Variants in BRD1 observed in about 807,000 individuals in gnomAD.
BRD1 encodes bromodomain-containing protein 1.
BRD1 carries 24 observed loss-of-function variants against 107.7 expected under a neutral mutation model. The ratio of observed to expected loss-of-function variants is 0.22; its 90% CI spans 0.16 to 0.31. The LOEUF is 0.31. BRD1 is among the 10% of genes least tolerant of loss of function. BRD1 has a pLI of 1.00. For synonymous variants in BRD1, 744 were observed against 686.1 expected (o/e 1.08, Z -1.32); for missense variants, 1,279 against 1,638.6 (o/e 0.78, Z 3.79).
Position 49,824,739 on chromosome 22 carries a change from C to T in BRD1, c.-14-408G>A. ...AGGAAGTCCACATACAGGGCTGGAC[C>T]CCACCAGGCACAGAGGCTATGCCCA... is the stretch of plus-strand genomic sequence containing the variant. On this transcript the variant is annotated intron_variant, in intron 1 of 12. Transcript: ENST00000404760. The surrounding 1 kb of genome is among the most constrained non-coding windows in gnomAD (Gnocchi z 5.9). The T allele has an allele frequency of 9.5e-7, 1 of 1,049,464 alleles. No individual in the cohort carries two copies. The highest frequency in any genetic ancestry group is 1.2e-6 in the Non-Finnish European group (1 of 867,994). 65.0% of individuals were successfully genotyped at this position (1,049,464 alleles called of 1,614,324 possible). A position where few individuals can be genotyped will look rare whatever the true frequency, so the allele number is the denominator to read the frequency against.
chr22:49,774,068 G>A lies in BRD1; in HGVS notation c.*165C>T, dbSNP rs1364724401. On this transcript the variant is annotated 3_prime_UTR_variant, in exon 13 of 13. Transcript: ENST00000404760. Reference sequence around the variant, plus strand: ...CCCACCCCACTCACAGCGCCCAGACGGAGATGGGTTCCTAGAAAACTTGGA... The same window carrying A: ...CCCACCCCACTCACAGCGCCCAGACAGAGATGGGTTCCTAGAAAACTTGGA... 18 of 966,124 alleles carry A rather than the reference G, an allele frequency of 1.9e-5. No individual in the cohort carries two copies. The highest frequency in any genetic ancestry group is 8.0e-5 in the South Asian group (4 of 50,246). The allele number at this position is 966,124 out of a possible 1,614,324, so 59.8% of individuals were successfully genotyped here.
At chr22:49,804,027 C>G (rs374957161) in intron 3 of BRD1, among the ~76,000 whole-genome samples, 177 bp downstream of exon 3, 2 of 152,258 alleles carry the variant, frequency 1.3e-5, no homozygotes, top group Non-Finnish European at 2.9e-5. Context: ...AGTCGCAGAT[C>G]CAGAGCCCAG....
At chr22:49,826,565 G>A (rs932121664) in intron 1 of BRD1, among the ~76,000 whole-genome samples, 37 of 152,296 alleles carry the variant, frequency 2.4e-4, no homozygotes, top group African/African-American at 7.9e-4. Flanking sequence ...CCCACAAGAC[G>A]GCCGCTTCCA....
chr22:49,795,592 G>A (rs959679494), intron 6 of BRD1, among the ~76,000 whole-genome samples: 2 of 152,244 alleles, frequency 1.3e-5, no homozygotes, highest in African/African-American at 4.8e-5. Flanking sequence ...GGCCCTAGGG[G>A]CAAAGGAGGC....
rs144234346 is a variant in BRD1 at position 49,826,907 on chromosome 22, A to C, written c.-15+590T>G. 9.6e-3 allele frequency among the ~76,000 whole-genome samples: 1,458 copies of C among 152,066 alleles called. 26 individuals are homozygous for C. The highest frequency in any genetic ancestry group is 0.034 in the African/African-American group (1,413 of 41,498). ...CCGTGAACTGCGCCTCAATCGTGTCACTCGTTTTAAAAGGCCCGGGGAAGC... is the reference window on the plus strand; with the variant it reads ...CCGTGAACTGCGCCTCAATCGTGTCCCTCGTTTTAAAAGGCCCGGGGAAGC... On this transcript the variant is annotated intron_variant, in intron 1 of 12. Transcript: ENST00000404760.
intron 2 of BRD1, chr22:49,806,384 G>A (rs925491502): frequency 5.9e-5 from 9 of 152,172 alleles, no homozygotes; most frequent in South Asian, 4.1e-4. Context: ...AGAGGTGTGC[G>A]TCTGTGACCC....
chr22:49,799,177 T>G (rs921210570), intron 3 of BRD1, 58 bp from the exon 4 acceptor site: 1 of 1,576,170 alleles, frequency 6.3e-7, no homozygotes, highest in African/African-American at 1.3e-5. Flanking sequence ...GCAAAAGGCC[T>G]CAGATACCAT....
At chr22:49,825,933 T>C (rs995842126) in intron 1 of BRD1, 7 of 152,240 alleles carry the variant, frequency 4.6e-5, no homozygotes, top group African/African-American at 1.7e-4. Flanking sequence ...GGAGAGAAAA[T>C]GTGGTCGGCC....
At chr22:49,779,257 C>G (rs575760282) in intron 8 of BRD1, among the ~76,000 whole-genome samples, 101 of 152,272 alleles carry the variant, frequency 6.6e-4, no homozygotes, top group Non-Finnish European at 1.1e-3. Flanking sequence ...CCACCCGCTT[C>G]GTACGCTTCC....
rs1354298502 is a variant in BRD1, at chr22:49,795,349, G to A, written c.2099-1055C>T. Among the ~76,000 whole-genome samples the A allele has an allele frequency of 2.6e-5, 4 of 152,202 alleles. No homozygotes were observed. The East Asian group carries it at 5.8e-4, about 22-fold the overall frequency. On this transcript the variant is annotated intron_variant, in intron 6 of 12. Coordinates refer to ENST00000404760, the MANE Select transcript of BRD1 (RefSeq NM_001304808.3). ...GAAGAGCAGCAGGTGCACCCTCAAGGCACACCATGGCCACTGGCTCACCTG... is the reference window on the plus strand; with the variant it reads ...GAAGAGCAGCAGGTGCACCCTCAAGACACACCATGGCCACTGGCTCACCTG...
At chr22:49,804,399 A>C (rs201540167) in intron 2 of BRD1, 39 bp from the exon 3 acceptor site, 198 of 1,552,560 alleles carry the variant, frequency 1.3e-4, no homozygotes, top group Non-Finnish European at 1.6e-4. Context: ...GAAGCAGTAC[A>C]TTAAGATGTT....
intron 2 of BRD1, among the ~76,000 whole-genome samples, chr22:49,822,246 T>C (rs1296137080): frequency 2.0e-5 from 3 of 151,830 alleles, no homozygotes; most frequent in Admixed American, 2.0e-4. Flanking sequence ...GGCAACATGG[T>C]GAAACCCCGC....
chr22:49,797,139 C>T (rs552472784), intron 6 of BRD1, among the ~76,000 whole-genome samples: 33 of 152,344 alleles, frequency 2.2e-4, no homozygotes, highest in Admixed American at 2.1e-3. Flanking sequence ...CAGGGGACAG[C>T]CCCGGTTTCC....
At chr22:49,798,913 C>T (rs2147150937) in intron 4 of BRD1, 75 bp downstream of exon 4, 2 of 1,524,424 alleles carry the variant, frequency 1.3e-6, no homozygotes, top group East Asian at 4.6e-5. Flanking sequence ...AGCCCACCCT[C>T]TGCAGGAGCT....
chr22:49,811,136 A>T (rs1351849394), intron 2 of BRD1, among the ~76,000 whole-genome samples: 1 of 151,810 alleles, frequency 6.6e-6, no homozygotes, highest in African/African-American at 2.4e-5. Flanking sequence ...TGAAAGAACA[A>T]AAAAAACACA....
intron 5 of BRD1, among the ~76,000 whole-genome samples, chr22:49,798,322 G>A (rs771066222): frequency 7.1e-4 from 108 of 152,338 alleles, no homozygotes; most frequent in African/African-American, 2.5e-3. Flanking sequence ...AGGGTGCCGG[G>A]CGGATGCTGC....
chr22:49,827,347 G>A (rs1356903898), intron 1 of BRD1, 150 bp downstream of exon 1: 2 of 151,568 alleles, frequency 1.3e-5, no homozygotes, highest in African/African-American at 5.1e-5. Flanking sequence ...CTCCCGGCCC[G>A]CAGACAATGC....
At chr22:49,797,329 C>T (rs909022944) in intron 6 of BRD1, among the ~76,000 whole-genome samples, 4 of 152,204 alleles carry the variant, frequency 2.6e-5, no homozygotes, top group Admixed American at 2.0e-4. Context: ...AGAGATCCTC[C>T]GGCTTCACGC....
At position 49,776,218 on chromosome 22, in the gene BRD1, C is replaced by A. The variant is rs888512992; in HGVS notation, c.3122-59G>T. ...CAGCAGGACACGGGGCACGCCCCGCCCCCCCACAAAAGGTGCAGCAACAGG... is the reference window on the plus strand; with the variant it reads ...CAGCAGGACACGGGGCACGCCCCGCACCCCCACAAAAGGTGCAGCAACAGG... On this transcript the variant is annotated intron_variant, in intron 10 of 12. Transcript: ENST00000404760. The A allele has an allele frequency of 2.4e-5, 35 of 1,471,074 alleles. No homozygotes were observed. In the Admixed American group the frequency reaches 6.1e-4, roughly 26 times the overall value. 91.1% of individuals were successfully genotyped at this position (1,471,074 alleles called of 1,614,324 possible).
Sources: allele counts gnomAD v4.1 joint callset (sites outside exome capture counted in the v4.1 genomes callset), GRCh38; gene constraint gnomAD v4.1.1; non-coding constraint Gnocchi (gnomAD v3.1); transcripts MANE v1.5; gene names NCBI Gene and HGNC (gene_info 2026-07-23, HGNC 2026-07-21).